MAN2B2: variants seen among roughly 807,000 people sequenced by gnomAD.
MAN2B2 encodes epididymis-specific alpha-mannosidase.
In MAN2B2, 106 loss-of-function variants were observed where a neutral mutation model predicts 117.1. The observed-to-expected ratio is 0.90, with a 90% CI of 0.77 to 1.06. The LOEUF (loss-of-function observed/expected upper bound fraction) is 1.06, where lower values mean the gene tolerates loss of function less well. Ranked by LOEUF, MAN2B2 falls within the 50% of genes least tolerant of loss-of-function variation. MAN2B2 has a pLI of 0.00. For missense variants in MAN2B2, 1,326 were observed against 1,381.4 expected (o/e 0.96, Z 0.64); for synonymous variants, 544 against 595.1 (o/e 0.91, Z 1.25).
intron 3 of MAN2B2, among the ~76,000 whole-genome samples, chr4:6,579,463 CCACCACAATGACCAT>C (rs1235038130): frequency 6.8e-6 from 1 of 147,206 alleles, no homozygotes; most frequent in Non-Finnish European, 1.5e-5. Context: ...CCACCCTTCA[CCACCACAATGACCAT>C]CACTACCACT....
chr4:6,602,147 G>A (rs968153218), intron 10 of MAN2B2, among the ~76,000 whole-genome samples: 21 of 152,330 alleles, frequency 1.4e-4, no homozygotes, highest in African/African-American at 4.3e-4. Context: ...ACCACCAGCC[G>A]TGAGCTGAGC....
Position 6,610,025 on chromosome 4 carries a change from C to G in MAN2B2, c.2234C>G (p.Ser745Cys). 1 of 1,614,172 alleles carries G rather than the reference C, an allele frequency of 6.2e-7. No individual in the cohort carries two copies. The highest frequency in any genetic ancestry group is 1.3e-5 in the African/African-American group (1 of 75,052). Residue 745 changes from serine (S) to cysteine (C), a missense_variant, in exon 13 of 19, where the codon TCC becomes TGC. By Grantham distance (112) the Ser-to-Cys change is moderately radical. Coordinates refer to ENST00000285599, the MANE Select transcript of MAN2B2 (RefSeq NM_015274.3). ...CAGATGCAGCGGAGGCCCTACGTTTCCTATGTGAACAACAGCATCGCCCGG... is the reference window on the plus strand; with the variant it reads ...CAGATGCAGCGGAGGCCCTACGTTTGCTATGTGAACAACAGCATCGCCCGG... ...GYQMQRRPYVSYVNNSIARNY... is the reference protein window; with the variant it reads ...GYQMQRRPYVCYVNNSIARNY...
chr4:6,593,317 C>A lies in MAN2B2; in HGVS notation c.825C>A (p.Ala275=), dbSNP rs1726930516. ...ALVANVKQRA[A]WFRTPHVLWP... ...TGGCCAACGTGAAGCAGAGGGCCGC[C>A]TGGTTCCGGACACCGCACGTCCTCT... is the stretch of plus-strand genomic sequence containing the variant. The change falls in exon 6 of 19, where the codon GCC becomes GCA. Residue 275 remains alanine (A), a synonymous_variant. Coordinates refer to ENST00000285599, the MANE Select transcript of MAN2B2 (RefSeq NM_015274.3). The A allele has an allele frequency of 2.5e-6, 4 of 1,613,648 alleles. No individual in the cohort carries two copies. Among genetic ancestry groups the A allele is most frequent in the Non-Finnish European group, 3.4e-6 (4 of 1,179,860 alleles).
chr4:6,615,030 G>A lies in MAN2B2; in HGVS notation c.2701+675G>A, dbSNP rs62292693. On this transcript the variant is annotated intron_variant, in intron 16 of 18. Transcript: ENST00000285599. ...TGCCCCCTCTACACCGTGAGCAGTGGAAAGGCAGGGTCAGACTGTGCCTCA... is the reference window on the plus strand; with the variant it reads ...TGCCCCCTCTACACCGTGAGCAGTGAAAAGGCAGGGTCAGACTGTGCCTCA... Among the ~76,000 whole-genome samples, 431 of 152,354 alleles carry A rather than the reference G, an allele frequency of 2.8e-3. 5 individuals carry two copies. The highest frequency in any genetic ancestry group is 2.1e-3 in the Non-Finnish European group (141 of 68,032).
At chr4:6,579,676 C>A (rs1184527255) in intron 3 of MAN2B2, among the ~76,000 whole-genome samples, 2 of 151,410 alleles carry the variant, frequency 1.3e-5, no homozygotes, top group Non-Finnish European at 2.9e-5. Context: ...ACCATGATCA[C>A]CACCCATCAC....
rs1196848989 is a variant in MAN2B2, at chr4:6,575,215, G to A, written c.5G>A (p.Gly2Glu). 8 of 1,485,574 alleles carry A rather than the reference G, an allele frequency of 5.4e-6. No individual in the cohort carries two copies. In the East Asian group the frequency reaches 1.5e-4, roughly 28 times the overall value. 92.0% of individuals were successfully genotyped at this position (1,485,574 alleles called of 1,614,324 possible). Residue 2 changes from glycine to glutamate, a missense_variant, in exon 1 of 19, where the codon GGG becomes GAG. Coordinates refer to ENST00000285599, the MANE Select transcript of MAN2B2 (RefSeq NM_015274.3). Reference protein sequence around the residue: MGQLCWLPLLAP... With the variant: MEQLCWLPLLAP... ...CCTTCCCGGCCTGCCGCAGGGATGG[G>A]GCAGCTGTGCTGGCTGCCGCTGCTG...
chr4:6,621,567 C>T lies in MAN2B2; in HGVS notation c.*282C>T, dbSNP rs184191999. 11 of 324,698 alleles carry T rather than the reference C, an allele frequency of 3.4e-5. No homozygotes were observed. The East Asian group carries it at 6.6e-4, about 20-fold the overall frequency. 20.1% of individuals were successfully genotyped at this position (324,698 alleles called of 1,614,324 possible). A position where few individuals can be genotyped will look rare whatever the true frequency, so the allele number is the denominator to read the frequency against. ...TTGGCACACTCATGCGTCATTCATT[C>T]ACAAAACACAAACCCAGGACTTTCT... On this transcript the variant is annotated 3_prime_UTR_variant, in exon 19 of 19. Transcript: ENST00000285599.
At chr4:6,592,906 T>G (rs1375183161) in intron 5 of MAN2B2, among the ~76,000 whole-genome samples, 1 of 152,240 alleles carries the variant, frequency 6.6e-6, no homozygotes, top group Non-Finnish European at 1.5e-5. Flanking sequence ...CCATAAATTT[T>G]GTGCCCTAGG....
chr4:6,620,370 C>CCAT, intron 18 of MAN2B2: 1 of 278,326 alleles, frequency 3.6e-6, no homozygotes, highest in Non-Finnish European at 7.0e-6. Flanking sequence ...TGACCTCAGC[C>CCAT]CATCAGCCGG....
At chr4:6,584,844 C>T (rs1001993764) in intron 3 of MAN2B2, among the ~76,000 whole-genome samples, 1 of 152,316 alleles carries the variant, frequency 6.6e-6, no homozygotes, top group South Asian at 2.1e-4. Context: ...TGATTCGTCC[C>T]TTGAGGCTGG....
In MAN2B2 at chr4:6,614,268, C is replaced by T. The variant is rs574673576; in HGVS notation, c.2614C>T (p.Pro872Ser). 22 of 1,614,154 alleles carry T rather than the reference C, an allele frequency of 1.4e-5. No homozygotes were observed. In the South Asian group the frequency reaches 2.4e-4, roughly 18 times the overall value. Residue 872 changes from proline (P) to serine (S), a missense_variant, in exon 16 of 19, where the codon CCC becomes TCC. Pro to Ser is a moderately conservative substitution (Grantham distance 74). Transcript: ENST00000285599. ...CCAGCAGCAAGAGGCCGTGACGCTG[C>T]CCCCGAATCTTCACCTGCAGATCCT... is the stretch of plus-strand genomic sequence containing the variant. ...GPQQQEAVTL[P>S]PNLHLQILSI...
chr4:6,593,651 A>C (rs10804982), intron 6 of MAN2B2, among the ~76,000 whole-genome samples: 58,794 of 152,104 alleles, frequency 0.39, 13,014 homozygotes, highest in East Asian at 0.64. Context: ...ATTGAGCTTC[A>C]GTTGCCTCCG....
chr4:6,586,616 G>A (rs1336199249), intron 3 of MAN2B2, among the ~76,000 whole-genome samples: 1 of 152,154 alleles, frequency 6.6e-6, no homozygotes, highest in African/African-American at 2.4e-5. Flanking sequence ...CATGCAGTCA[G>A]GGAGTAGAAT....
At chr4:6,592,019 C>T (rs544768694) in intron 5 of MAN2B2, among the ~76,000 whole-genome samples, 32 of 152,346 alleles carry the variant, frequency 2.1e-4, no homozygotes, top group South Asian at 6.2e-4. Flanking sequence ...GTGGAGCCAG[C>T]GTTGGATTCA....
chr4:6,598,392 T>G, intron 9 of MAN2B2, 38 bp downstream of exon 9: 1 of 1,593,186 alleles, frequency 6.3e-7, no homozygotes, highest in Non-Finnish European at 8.6e-7. Flanking sequence ...GGCCCCTTTA[T>G]GAAGGGAGAG....
chr4:6,584,974 T>G (rs1726576896), intron 3 of MAN2B2, among the ~76,000 whole-genome samples: 1 of 152,052 alleles, frequency 6.6e-6, no homozygotes, highest in South Asian at 2.1e-4. Flanking sequence ...CCTCCAGAGC[T>G]CCTGGCTCCT....
intron 17 of MAN2B2, chr4:6,617,847 G>GTTTTTTT (rs56063851): frequency 2.4e-5 from 4 of 163,416 alleles, no homozygotes; most frequent in Non-Finnish European, 3.6e-5. Flanking sequence ...CGATGGCTAA[G>GTTTTTTT]TTTTTTTTTT....
Position 6,597,104 on chromosome 4 carries a change from G to C in MAN2B2, c.1058-9G>C. The C allele has an allele frequency of 6.2e-7, 1 of 1,611,152 alleles. No individual in the cohort carries two copies. Among genetic ancestry groups the C allele is most frequent in the Non-Finnish European group, 8.5e-7 (1 of 1,178,666 alleles). On this transcript the variant is annotated splice_polypyrimidine_tract_variant and intron_variant, in intron 7 of 18. Coordinates refer to ENST00000285599, the MANE Select transcript of MAN2B2 (RefSeq NM_015274.3). ...CGTCTCAAGCTCACCATCTTCCCTTGTCTCCCAGAACCATTCCAGGCCTGG... is the reference window on the plus strand; with the variant it reads ...CGTCTCAAGCTCACCATCTTCCCTTCTCTCCCAGAACCATTCCAGGCCTGG...
chr4:6,618,477 A>C (rs2108761292), intron 17 of MAN2B2: 1 of 152,284 alleles, frequency 6.6e-6, no homozygotes, highest in South Asian at 2.1e-4. Context: ...CCCCCATGTA[A>C]AATGGGGAGA....
Sources: allele counts gnomAD v4.1 joint callset (sites outside exome capture counted in the v4.1 genomes callset), GRCh38; gene constraint gnomAD v4.1.1; transcripts MANE v1.5; gene names NCBI Gene and HGNC (gene_info 2026-07-23, HGNC 2026-07-21).